RRBP1: variants seen among roughly 807,000 people sequenced by gnomAD.
The protein encoded by RRBP1 is ribosome-binding protein 1.
RRBP1 carries 94 observed loss-of-function variants against 165.2 expected under a neutral mutation model. The observed-to-expected ratio is 0.57, with a 90% confidence interval of 0.48 to 0.68. RRBP1 has a LOEUF of 0.68. Among genes scored for constraint, RRBP1 ranks in the 30% least tolerant of loss-of-function variants. RRBP1 has a pLI of 0.00. For missense variants in RRBP1, 1,676 were observed against 1,763.0 expected (o/e 0.95, Z 0.88); for synonymous variants, 680 against 714.5 (o/e 0.95, Z 0.77).
chr20:17,642,848 G>A, intron 4 of RRBP1, 131 bp downstream of exon 4: 1 of 1,021,680 alleles, frequency 9.8e-7, no homozygotes, highest in African/African-American at 1.6e-5. Context: ...CCCTCGGGGT[G>A]GCAGAATTCT....
At position 17,629,841 on chromosome 20, in the gene RRBP1, G is replaced by T; in HGVS notation, c.2731C>A (p.Gln911Lys). ...CCCTTACCGGCCATCTGCTGCTGTT[G>T]CTCCTGGGCCTTCTCGGCATCCGCC... ...LRADAEKAQE[Q>K]QQQMAELHSK... is the part of the protein sequence containing the mutation. Residue 911 changes from glutamine (Q) to lysine (K), a missense_variant, in exon 9 of 25, where the codon CAA becomes AAA. This residue lies in a region of RRBP1 where 1,184 missense variants were observed against 1,167.1 expected (regional missense o/e 1.01). Coordinates refer to ENST00000377813, the MANE Select transcript of RRBP1 (RefSeq NM_001365613.2). The T allele has an allele frequency of 2.5e-6, 4 of 1,598,576 alleles. No individual in the cohort carries two copies. The highest frequency in any genetic ancestry group is 2.5e-6 in the Non-Finnish European group (3 of 1,178,888).
chr20:17,617,390 T>C (rs930907561), intron 20 of RRBP1, among the ~76,000 whole-genome samples: 5 of 152,164 alleles, frequency 3.3e-5, no homozygotes, highest in African/African-American at 9.6e-5. Context: ...GAGGTTCCAA[T>C]TGGAGACCCA....
Position 17,672,487 on chromosome 20 carries a change from C to T in RRBP1, c.-22+7512G>A, listed in dbSNP as rs111802210. Reference sequence around the variant, plus strand: ...TGAGTCATTTCTTATTTATTATCAACGGTAACTCAAAATTCATTTTGGTTC... The same window carrying T: ...TGAGTCATTTCTTATTTATTATCAATGGTAACTCAAAATTCATTTTGGTTC... On this transcript the variant is annotated intron_variant, in intron 2 of 24. Coordinates refer to ENST00000377813, the MANE Select transcript of RRBP1 (RefSeq NM_001365613.2). Among the ~76,000 whole-genome samples, 623 of 152,280 alleles carry T rather than the reference C, an allele frequency of 4.1e-3. 8 individuals carry two copies. The highest frequency in any genetic ancestry group is 0.014 in the African/African-American group (572 of 41,552).
intron 5 of RRBP1, among the ~76,000 whole-genome samples, chr20:17,640,896 C>A (rs1273064350): frequency 6.6e-6 from 1 of 152,250 alleles, no homozygotes; most frequent in Non-Finnish European, 1.5e-5. Context: ...GGAAGAAGGG[C>A]TGTAGCCCAG....
At chr20:17,624,505 T>C (rs2035977841) in intron 13 of RRBP1, 71 bp downstream of exon 13, 1 of 1,003,588 alleles carries the variant, frequency 1.0e-6, no homozygotes, top group Non-Finnish European at 1.5e-6. Flanking sequence ...AGTGCATCTG[T>C]ACGTCTTAGT....
rs756728854 is a variant in RRBP1, at chr20:17,621,958, G to A, written c.3148-11C>T. On this transcript the variant is annotated splice_polypyrimidine_tract_variant and intron_variant, in intron 13 of 24. Transcript: ENST00000377813. Reference sequence around the variant, plus strand: ...CTTCTCCGATTCCTCCTGGGGGGTGGGTGGGGAAGAGCGGAAGGTGTTCAG... The same window carrying A: ...CTTCTCCGATTCCTCCTGGGGGGTGAGTGGGGAAGAGCGGAAGGTGTTCAG... The A allele has an allele frequency of 1.2e-6, 2 of 1,607,818 alleles. No individual in the cohort carries two copies. The highest frequency in any genetic ancestry group is 4.5e-5 in the East Asian group (2 of 44,834).
At chr20:17,622,500 G>C (rs961705651) in intron 13 of RRBP1, among the ~76,000 whole-genome samples, 3 of 152,020 alleles carry the variant, frequency 2.0e-5, no homozygotes, top group African/African-American at 7.2e-5. Context: ...CTCATCTCCA[G>C]CCACCCTGGA....
chr20:17,658,536 T>C, intron 3 of RRBP1, 60 bp downstream of exon 3: 1 of 1,418,842 alleles, frequency 7.0e-7, no homozygotes, highest in Non-Finnish European at 9.6e-7. Flanking sequence ...CCCGAGAGAA[T>C]CCATAAGTCA....
chr20:17,665,001 G>A (rs2036841277), intron 2 of RRBP1, among the ~76,000 whole-genome samples: 1 of 152,090 alleles, frequency 6.6e-6, no homozygotes, highest in East Asian at 1.9e-4. Context: ...AGAAAAATAT[G>A]AACATCCATT....
In RRBP1 at chr20:17,658,777, G is replaced by C; in HGVS notation, c.1731C>G (p.Gly577=). ...GGTTGGGGGACCCTTCTGCCTTTTT[G>C]CCTTCACTGGGGGACCCTTCTGCTT... is the stretch of plus-strand genomic sequence containing the variant. The part of the protein sequence containing the change: ...GKKAEGSPSE[G]KKAEGSPNQG... The change falls in exon 3 of 25, where the codon GGC becomes GGG. Residue 577 remains glycine (G), a synonymous_variant. Coordinates refer to ENST00000377813, the MANE Select transcript of RRBP1 (RefSeq NM_001365613.2). The C allele has an allele frequency of 6.2e-7, 1 of 1,613,826 alleles. No individual in the cohort carries two copies. The highest frequency in any genetic ancestry group is 1.1e-5 in the South Asian group (1 of 91,072).
intron 22 of RRBP1, 97 bp downstream of exon 22, chr20:17,615,829 G>A (rs1451691052): frequency 9.1e-7 from 1 of 1,100,032 alleles, no homozygotes; most frequent in Non-Finnish European, 1.3e-6. Context: ...AGGTGCTGCT[G>A]GGCACAGCCG....
chr20:17,628,444 G>A (rs1399065569), intron 9 of RRBP1, among the ~76,000 whole-genome samples: 1 of 152,132 alleles, frequency 6.6e-6, no homozygotes, highest in Non-Finnish European at 1.5e-5. Context: ...TGTTGCCTTG[G>A]GCCTCAGCAA....
rs1281300150 is a variant in RRBP1, at chr20:17,660,537, CATACATGGAGGTT to C, written c.-21-22_-21-10del. ...GCTTGCTTTCCTTTCACCTGTCAAA[CATACATGGAGGTT>C]ACTATTTATAGAAATCAAGGCCTTC... On this transcript the variant is annotated splice_polypyrimidine_tract_variant and intron_variant, in intron 2 of 24. Transcript: ENST00000377813. 6.6e-7 allele frequency: 1 copy of C among 1,509,412 alleles called. No individual in the cohort carries two copies. The highest frequency in any genetic ancestry group is 9.2e-7 in the Non-Finnish European group (1 of 1,091,046). 93.5% of individuals were successfully genotyped at this position (1,509,412 alleles called of 1,614,324 possible).
Position 17,659,733 on chromosome 20 carries a change from C to A in RRBP1, c.775G>T (p.Gly259Cys), listed in dbSNP as rs949246309. ...TTCTGGGCCCCCTCCGCCTTTTTGC[C>A]TTGGTTTGGGGTTCCTTCTGCCTTT... ...GKKAEGTPNQ[G>C]KKAEGAQNQG... The change falls in exon 3 of 25, where the codon GGC (glycine) becomes TGC (cysteine). Residue 259 changes from glycine (G) to cysteine (C), a missense_variant. Transcript: ENST00000377813. 5.8e-6 allele frequency: 9 copies of A among 1,550,510 alleles called. No individual in the cohort carries two copies. The Admixed American group carries it at 1.8e-4, about 30-fold the overall frequency.
intron 3 of RRBP1, 29 bp downstream of exon 3, chr20:17,658,567 C>T (rs1220916262): frequency 6.5e-7 from 1 of 1,544,296 alleles, no homozygotes; most frequent in East Asian, 2.3e-5. Context: ...GCCTTTCCTT[C>T]TAAGTTCATA....
At chr20:17,670,461 C>T (rs2036956218) in intron 2 of RRBP1, among the ~76,000 whole-genome samples, 1 of 147,754 alleles carries the variant, frequency 6.8e-6, no homozygotes, top group African/African-American at 2.5e-5. Flanking sequence ...AAAACAGTAA[C>T]ACACAGCACT....
At chr20:17,638,719 TG>T (rs11087219) in intron 5 of RRBP1, among the ~76,000 whole-genome samples, 151,785 of 151,796 alleles carry the variant, frequency 1, 75,887 homozygotes, top group Middle Eastern at 1. Context: ...CTGATGGTGG[TG>T]GGGGGGTTCC....
intron 6 of RRBP1, 107 bp from the exon 7 acceptor site, chr20:17,635,771 A>C: frequency 1.2e-6 from 1 of 828,114 alleles, no homozygotes; most frequent in Non-Finnish European, 2.0e-6. Flanking sequence ...AAACCCCCAA[A>C]AGCCTCCACC....
chr20:17,628,198 C>T (rs1012753209), intron 9 of RRBP1, among the ~76,000 whole-genome samples: 1 of 152,140 alleles, frequency 6.6e-6, no homozygotes, highest in Non-Finnish European at 1.5e-5. Context: ...CTCAGACAGT[C>T]CCATGGGTCT....
Sources: gnomAD v4.1 joint callset for allele counts (sites outside exome capture counted in the v4.1 genomes callset) on GRCh38, gnomAD v4.1.1 for gene constraint, gnomAD v4.1.1 regional missense constraint, MANE v1.5 for transcripts, NCBI Gene and HGNC (gene_info 2026-07-23, HGNC 2026-07-21) for gene names.